KNDC1: variants seen among roughly 807,000 people sequenced by gnomAD.
KNDC1 encodes kinase non-catalytic C-lobe domain-containing protein 1.
KNDC1 carries 106 observed loss-of-function variants against 172.8 expected under a neutral mutation model. The observed-to-expected ratio is 0.61, with a 90% CI of 0.52 to 0.72. The LOEUF is 0.72. KNDC1 is among the 30% of genes least tolerant of loss of function. KNDC1 has a pLI of 0.00. For missense variants in KNDC1, 2,325 were observed against 2,394.5 expected (o/e 0.97, Z 0.61); for synonymous variants, 1,083 against 1,062.2 (o/e 1.02, Z -0.38).
chr10:133,206,810 CT>C (rs1433959622), intron 18 of KNDC1, 32 bp downstream of exon 18: 31 of 1,613,230 alleles, frequency 1.9e-5, no homozygotes, highest in Non-Finnish European at 2.6e-5. Flanking sequence ...GTCCGAGACC[CT>C]GGCTGCAGGC....
At position 133,206,964 on chromosome 10, in the gene KNDC1, T is replaced by G. The variant is rs1199456430; in HGVS notation, c.3579+11T>G. The G allele has an allele frequency of 1.2e-6, 2 of 1,612,000 alleles. No homozygotes were observed. Among genetic ancestry groups the G allele is most frequent in the Non-Finnish European group, 1.7e-6 (2 of 1,178,270 alleles). On this transcript the variant is annotated intron_variant, in intron 19 of 29. Coordinates refer to ENST00000304613, the MANE Select transcript of KNDC1 (RefSeq NM_152643.8). ...AAGAAGTATCTGCAGGCAAGTGGGC[T>G]CCGGGCCCCGCTCTGCCCCGTGAGG...
intron 3 of KNDC1, among the ~76,000 whole-genome samples, chr10:133,171,311 C>T (rs1354816992): frequency 6.6e-6 from 1 of 152,182 alleles, no homozygotes; most frequent in African/African-American, 2.4e-5. Context: ...CACTCTGTCA[C>T]CCAGGCTAGA....
intron 1 of KNDC1, among the ~76,000 whole-genome samples, chr10:133,161,095 G>T (rs1291080826): frequency 1.3e-5 from 2 of 152,056 alleles, no homozygotes; most frequent in Non-Finnish European, 2.9e-5. Context: ...GTGCAGAGGG[G>T]CTCTGCCTGC....
chr10:133,218,713 C>A, intron 26 of KNDC1, 118 bp from the exon 27 acceptor site: 1 of 1,331,510 alleles, frequency 7.5e-7, no homozygotes, highest in Non-Finnish European at 1.0e-6. Flanking sequence ...CCTTTCCACA[C>A]ACGTGATGCA....
intron 17 of KNDC1, among the ~76,000 whole-genome samples, chr10:133,205,298 C>T (rs970052422): frequency 2.6e-5 from 4 of 152,218 alleles, no homozygotes; most frequent in Admixed American, 6.5e-5. Flanking sequence ...TCCAGGGAGG[C>T]GCTCAGCCCC....
intron 4 of KNDC1, 24 bp from the exon 5 acceptor site, chr10:133,183,848 T>C (rs750381279): frequency 2.0e-6 from 3 of 1,528,018 alleles, no homozygotes; most frequent in Admixed American, 1.9e-5. Context: ...CGAGCCTTCC[T>C]GTCTGAGGTG....
rs145667880 is a variant in KNDC1, at chr10:133,197,174, G to A, written c.1812+39G>A. 46 of 1,519,368 alleles carry A rather than the reference G, an allele frequency of 3.0e-5. No homozygotes were observed. The Middle Eastern group carries it at 5.3e-4, about 18-fold the overall frequency. 94.1% of individuals were successfully genotyped at this position (1,519,368 alleles called of 1,614,324 possible). A position where few individuals can be genotyped will look rare whatever the true frequency, so the allele number is the denominator to read the frequency against. ...GCCAGGCCGCCGCCTCCTCCGCCGC[G>A]CTTAGCTTCCTCCCTCCTGGACGCA... On this transcript the variant is annotated intron_variant, in intron 11 of 29. Coordinates refer to ENST00000304613, the MANE Select transcript of KNDC1 (RefSeq NM_152643.8).
chr10:133,223,330 T>C (rs1845648634), intron 29 of KNDC1, among the ~76,000 whole-genome samples: 2 of 58,444 alleles, frequency 3.4e-5, no homozygotes, highest in African/African-American at 1.2e-4. Context: ...CGTGTGTGTG[T>C]GTGTGTGAGA....
Position 133,212,732 on chromosome 10 carries a change from T to C in KNDC1, c.4253T>C (p.Leu1418Pro). ...GISRKSFPWR[L>P]PRGNGLVLPP... Reference sequence around the variant, plus strand: ...GCCCTGCAGAGCTTCCCCTGGAGGCTGCCCCGAGGCAACGGGCTGGTGCTG... The same window carrying C: ...GCCCTGCAGAGCTTCCCCTGGAGGCCGCCCCGAGGCAACGGGCTGGTGCTG... Residue 1418 changes from leucine to proline, a missense_variant, in exon 24 of 30, where the codon CTG becomes CCG. Coordinates refer to ENST00000304613, the MANE Select transcript of KNDC1 (RefSeq NM_152643.8). 1.2e-6 allele frequency: 2 copies of C among 1,613,052 alleles called. No homozygotes were observed. Among genetic ancestry groups the C allele is most frequent in the African/African-American group, 1.3e-5 (1 of 75,044 alleles).
chr10:133,186,084 C>T lies in KNDC1; in HGVS notation c.736C>T (p.Pro246Ser). The T allele has an allele frequency of 6.3e-7, 1 of 1,599,932 alleles. No homozygotes were observed. The highest frequency in any genetic ancestry group is 1.3e-5 in the African/African-American group (1 of 74,828). The change falls in exon 6 of 30, where the codon CCG becomes TCG. Residue 246 changes from proline to serine, a missense_variant. Pro to Ser is a moderately conservative substitution (Grantham distance 74). Coordinates refer to ENST00000304613, the MANE Select transcript of KNDC1 (RefSeq NM_152643.8). ...DPEVLPTPEG[P>S]ESETSRGPRA... ...GGAGGTTCTGCCGACCCCCGAAGGC[C>T]CGGAGTCTGAGACGAGCCGGGGCCC...
intron 3 of KNDC1, among the ~76,000 whole-genome samples, chr10:133,174,469 C>T (rs1490377101): frequency 6.6e-6 from 1 of 151,980 alleles, no homozygotes; most frequent in East Asian, 1.9e-4. Flanking sequence ...CTGATACCAC[C>T]GGGTGTGTAT....
At position 133,167,426 on chromosome 10, in the gene KNDC1, C is replaced by T. The variant is rs768324975; in HGVS notation, c.148C>T (p.Leu50Phe). 7.5e-6 allele frequency: 12 copies of T among 1,604,814 alleles called. No homozygotes were observed. Among genetic ancestry groups the T allele is most frequent in the Non-Finnish European group, 7.6e-6 (9 of 1,177,012 alleles). ...CATCCTCTCCCTGCGGGACCGCGGC[C>T]TCAGCGAGCAGGAAGCCTGGGCCGT... The part of the protein sequence containing the change: ...ADILSLRDRG[L>F]SEQEAWAVCL... Residue 50 changes from leucine to phenylalanine, a missense_variant, in exon 2 of 30, where the codon CTC (leucine) becomes TTC (phenylalanine). Physicochemically the swap from Leu to Phe is conservative, Grantham distance 22. Coordinates refer to ENST00000304613, the MANE Select transcript of KNDC1 (RefSeq NM_152643.8).
chr10:133,175,981 G>A (rs1456612488), intron 3 of KNDC1, among the ~76,000 whole-genome samples: 4 of 149,682 alleles, frequency 2.7e-5, no homozygotes, highest in African/African-American at 9.8e-5. Context: ...TGGATGGGTG[G>A]GTGAATGCAT....
intron 7 of KNDC1, 95 bp downstream of exon 7, chr10:133,188,748 C>G (rs536443629): frequency 1.7e-6 from 1 of 593,736 alleles, no homozygotes; most frequent in African/African-American, 2.8e-5. Context: ...GTCCCACCCC[C>G]CACACCGTCC....
intron 1 of KNDC1, 35 bp from the exon 2 acceptor site, chr10:133,167,346 C>G: frequency 6.5e-7 from 1 of 1,532,204 alleles, no homozygotes; most frequent in Non-Finnish European, 8.8e-7. Context: ...GGCTGGGGGT[C>G]CTGCCGGGCT....
intron 7 of KNDC1, 46 bp from the exon 8 acceptor site, chr10:133,189,552 G>C: frequency 1.9e-6 from 3 of 1,576,218 alleles, no homozygotes; most frequent in Non-Finnish European, 2.6e-6. Flanking sequence ...CCAGCCCCAA[G>C]TGCGGGGCAG....
intron 17 of KNDC1, among the ~76,000 whole-genome samples, chr10:133,203,898 G>A (rs532864264): frequency 3.3e-5 from 5 of 152,330 alleles, no homozygotes; most frequent in Middle Eastern, 6.8e-3. Context: ...AACGGAGGCC[G>A]TGGAGGTGCC....
chr10:133,180,367 C>G (rs947509326), intron 3 of KNDC1, among the ~76,000 whole-genome samples: 1 of 152,202 alleles, frequency 6.6e-6, no homozygotes, highest in Admixed American at 6.5e-5. Context: ...CAAGGGGCCC[C>G]TCGCCCGCGG....
intron 23 of KNDC1, 35 bp from the exon 24 acceptor site, chr10:133,212,681 A>C (rs1257278315): frequency 6.3e-7 from 1 of 1,585,124 alleles, no homozygotes; most frequent in Non-Finnish European, 8.6e-7. Flanking sequence ...GGGGACACGG[A>C]GCTTAGGCCC....
Sources: allele counts gnomAD v4.1 joint callset (sites outside exome capture counted in the v4.1 genomes callset), GRCh38; gene constraint gnomAD v4.1.1; transcripts MANE v1.5; gene names NCBI Gene and HGNC (gene_info 2026-07-23, HGNC 2026-07-21).